The following CNTNAP5 variants were observed in gnomAD, a reference collection of about 807,000 sequenced individuals.
CNTNAP5 encodes contactin associated protein family member 5.
A neutral mutation model predicts 150.2 loss-of-function variants in CNTNAP5; 72 were observed. The observed-to-expected ratio is 0.48, with a 90% CI of 0.40 to 0.58. CNTNAP5 has a LOEUF of 0.58. CNTNAP5 is among the 20% of genes least tolerant of loss of function. The pLI, the probability that CNTNAP5 is intolerant of heterozygous loss-of-function variation, is 0.00. For synonymous variants in CNTNAP5, 672 were observed against 619.8 expected (o/e 1.08, Z -1.25); for missense variants, 1,636 against 1,626.2 (o/e 1.01, Z -0.10).
At chr2:124,776,966 T>C (rs1445130496) in intron 17 of CNTNAP5, among the ~76,000 whole-genome samples, 1 of 152,130 alleles carries the variant, frequency 6.6e-6, no homozygotes, top group African/African-American at 2.4e-5. Flanking sequence ...TTAGGAAACA[T>C]TAATGTATGA....
Position 124,526,582 on chromosome 2 carries a change from A to G in CNTNAP5, c.1478-703A>G, listed in dbSNP as rs540735252. On this transcript the variant is annotated intron_variant, in intron 9 of 23. Coordinates refer to ENST00000682447, the MANE Select transcript of CNTNAP5 (RefSeq NM_001367498.1). The stretch of plus-strand genomic sequence containing the variant: ...CTCTATACCTGTCTTAATGAGAAGT[A>G]GATATGCCCTGGTTGCAAGCTACAC... Among the ~76,000 whole-genome samples, 19 of 152,346 alleles carry G rather than the reference A, an allele frequency of 1.2e-4. No individual in the cohort carries two copies. In the South Asian group the frequency reaches 3.7e-3, roughly 30 times the overall value.
At chr2:124,099,735 G>C (rs1452624088) in intron 1 of CNTNAP5, among the ~76,000 whole-genome samples, 2 of 152,214 alleles carry the variant, frequency 1.3e-5, no homozygotes, top group East Asian at 3.9e-4. Context: ...TACTCATGGA[G>C]GGAGGCAGAA....
chr2:124,319,736 A>T (rs569225009), intron 3 of CNTNAP5, among the ~76,000 whole-genome samples: 1 of 152,122 alleles, frequency 6.6e-6, no homozygotes, highest in Non-Finnish European at 1.5e-5. Context: ...GCCTCTACCC[A>T]CTAGATGCCA....
intron 19 of CNTNAP5, among the ~76,000 whole-genome samples, chr2:124,833,463 G>T (rs533193575): frequency 9.2e-5 from 14 of 152,084 alleles, no homozygotes; most frequent in Non-Finnish European, 1.9e-4. Context: ...TTTCTTCTGG[G>T]ACACCATGAT....
chr2:124,871,413 G>A (rs1677746108), intron 21 of CNTNAP5, among the ~76,000 whole-genome samples: 1 of 152,004 alleles, frequency 6.6e-6, no homozygotes, highest in Non-Finnish European at 1.5e-5. Flanking sequence ...AGGTGTAACG[G>A]AGCCAGTGGC....
At position 124,548,550 on chromosome 2, in the gene CNTNAP5, C is replaced by A. The variant is rs187065716; in HGVS notation, c.1650-14667C>A. 1.3e-3 allele frequency among the ~76,000 whole-genome samples: 201 copies of A among 152,172 alleles called. 1 individual carries two copies. The highest frequency in any genetic ancestry group is 3.9e-3 in the South Asian group (19 of 4,816). Reference sequence around the variant, plus strand: ...TGGTTGGCAACAGAGAATGGAAATCCCAGATCTGCATAGGCAGGCTGAGTA... The same window carrying A: ...TGGTTGGCAACAGAGAATGGAAATCACAGATCTGCATAGGCAGGCTGAGTA... On this transcript the variant is annotated intron_variant, in intron 10 of 23. Transcript: ENST00000682447.
chr2:124,083,225 G>A (rs1180428256), intron 1 of CNTNAP5, among the ~76,000 whole-genome samples: 1 of 152,166 alleles, frequency 6.6e-6, no homozygotes, highest in African/African-American at 2.4e-5. Context: ...ATGCGTGCCT[G>A]TAATCTCAGC....
intron 13 of CNTNAP5, among the ~76,000 whole-genome samples, chr2:124,656,365 C>G (rs191543600): frequency 1.3e-5 from 2 of 152,088 alleles, no homozygotes; most frequent in Admixed American, 6.6e-5. Context: ...CTTTTGTTAC[C>G]CTTAAAGTGA....
chr2:124,412,267 G>A (rs1368705958), intron 3 of CNTNAP5, among the ~76,000 whole-genome samples: 1 of 149,602 alleles, frequency 6.7e-6, no homozygotes, highest in African/African-American at 2.4e-5. Context: ...ATGCTCATGG[G>A]TAGGAAGAAT....
At chr2:124,178,430 A>G (rs981603407) in intron 1 of CNTNAP5, among the ~76,000 whole-genome samples, 8 of 152,208 alleles carry the variant, frequency 5.3e-5, no homozygotes, top group African/African-American at 9.6e-5. Context: ...AGTTTCTAGG[A>G]CTACAAGCTA....
chr2:124,785,549 G>C (rs969590446), intron 17 of CNTNAP5, among the ~76,000 whole-genome samples: 3 of 152,180 alleles, frequency 2.0e-5, no homozygotes, highest in African/African-American at 7.2e-5. Flanking sequence ...GGAGTGCATG[G>C]GGATGGATAA....
chr2:124,917,794 C>T lies in CNTNAP5; in HGVS notation c.*3506C>T, dbSNP rs1678800521. Among the ~76,000 whole-genome samples, 1 of 152,014 alleles carries T rather than the reference C, an allele frequency of 6.6e-6. No homozygotes were observed. The highest frequency in any genetic ancestry group is 2.1e-4 in the South Asian group (1 of 4,828). On this transcript the variant is annotated 3_prime_UTR_variant, in exon 24 of 24. Transcript: ENST00000682447. ...TTTTTGCCCTTGGGGAGCTCAAAGT[C>T]TAGCTGGCAAGGCATGTATTGTTGC...
At chr2:124,811,400 A>T (rs1029582518) in intron 19 of CNTNAP5, among the ~76,000 whole-genome samples, 3 of 152,188 alleles carry the variant, frequency 2.0e-5, no homozygotes, top group Admixed American at 2.0e-4. Flanking sequence ...TTACTTCGAT[A>T]AAAAATTGAA....
intron 19 of CNTNAP5, among the ~76,000 whole-genome samples, chr2:124,808,893 C>T (rs978905223): frequency 4.0e-5 from 6 of 151,860 alleles, no homozygotes; most frequent in Non-Finnish European, 8.8e-5. Flanking sequence ...GGGCTAAATA[C>T]GGAAATAAAG....
In CNTNAP5 at chr2:124,906,320, G is replaced by T. The variant is rs147902719; in HGVS notation, c.3655+3220G>T. Among the ~76,000 whole-genome samples, 5 of 152,226 alleles carry T rather than the reference G, an allele frequency of 3.3e-5. No homozygotes were observed. In the East Asian group the frequency reaches 9.7e-4, roughly 30 times the overall value. ...CAGATTTTGCTGCTAATATTGGTAT[G>T]AAATATGGGTTTTGCAAGTAGTGGT... On this transcript the variant is annotated intron_variant, in intron 22 of 23. Coordinates refer to ENST00000682447, the MANE Select transcript of CNTNAP5 (RefSeq NM_001367498.1).
chr2:124,354,183 G>T (rs945592906), intron 3 of CNTNAP5, among the ~76,000 whole-genome samples: 1 of 152,084 alleles, frequency 6.6e-6, no homozygotes, highest in Non-Finnish European at 1.5e-5. Flanking sequence ...AAATGACCAG[G>T]TAAAAATTAT....
intron 5 of CNTNAP5, among the ~76,000 whole-genome samples, chr2:124,435,958 T>G (rs1573993887): frequency 6.6e-6 from 1 of 152,314 alleles, no homozygotes; most frequent in Non-Finnish European, 1.5e-5. Context: ...TAAAAAAATT[T>G]GCTGGTAACC....
intron 23 of CNTNAP5, 55 bp downstream of exon 23, chr2:124,911,593 G>A (rs1678656865): frequency 1.4e-5 from 19 of 1,381,080 alleles, no homozygotes; most frequent in Non-Finnish European, 1.5e-5. Flanking sequence ...CTGTATTCTG[G>A]AGAAAGTTAT....
chr2:124,270,902 C>G (rs1687731644), intron 3 of CNTNAP5, among the ~76,000 whole-genome samples: 1 of 152,158 alleles, frequency 6.6e-6, no homozygotes, highest in Non-Finnish European at 1.5e-5. Flanking sequence ...ACACTACGTG[C>G]CCCCATGTTG....
Sources: allele counts gnomAD v4.1 joint callset (sites outside exome capture counted in the v4.1 genomes callset), GRCh38; gene constraint gnomAD v4.1.1; transcripts MANE v1.5; gene names NCBI Gene and HGNC (gene_info 2026-07-23, HGNC 2026-07-21).